THAP4: variants seen among roughly 807,000 people sequenced by gnomAD.
The protein encoded by THAP4 is peroxynitrite isomerase THAP4.
THAP4 carries 18 observed loss-of-function variants against 48.1 expected under a neutral mutation model. The ratio of observed to expected loss-of-function variants is 0.37; its 90% CI spans 0.26 to 0.56. The LOEUF (loss-of-function observed/expected upper bound fraction) is 0.56. Ranked by LOEUF, THAP4 falls within the 20% of genes least tolerant of loss-of-function variation. The probability of loss-of-function intolerance (pLI) is 0.78; values close to 1 mark genes in which losing one functional copy is unlikely to be tolerated. For missense variants in THAP4, 656 were observed against 774.9 expected, an observed-to-expected ratio of 0.85 and a Z score of 1.82; for synonymous variants, 345 against 324.9, an observed-to-expected ratio of 1.06 and a Z score of -0.66.
At chr2:241,614,716 T>C (rs1252726389) in intron 2 of THAP4, among the ~76,000 whole-genome samples, 6 of 151,952 alleles carry the variant, frequency 3.9e-5, no homozygotes. Context: ...TGAAACCCCG[T>C]CTCTACTAAA....
Position 241,584,566 on chromosome 2 carries a change from C to G in THAP4, c.*40G>C. Reference sequence around the variant, plus strand: ...GTTGAGGAGCCGAACCGTTGAGGCACAGTAGCCAGGCCCTCCCGAGGGCTC... The same window carrying G: ...GTTGAGGAGCCGAACCGTTGAGGCAGAGTAGCCAGGCCCTCCCGAGGGCTC... On this transcript the variant is annotated 3_prime_UTR_variant, in exon 6 of 6. Coordinates refer to ENST00000407315, the MANE Select transcript of THAP4 (RefSeq NM_015963.6). 1.9e-6 allele frequency: 3 copies of G among 1,613,260 alleles called. No individual in the cohort carries two copies. Among genetic ancestry groups the G allele is most frequent in the Non-Finnish European group, 2.5e-6 (3 of 1,179,372 alleles).
intron 2 of THAP4, among the ~76,000 whole-genome samples, chr2:241,632,504 T>C (rs1166325895): frequency 1.3e-5 from 2 of 152,240 alleles, no homozygotes; most frequent in Non-Finnish European, 2.9e-5. Flanking sequence ...AACCTCCTCA[T>C]GATTTTAACA....
At chr2:241,626,168 C>T (rs186468980) in intron 2 of THAP4, among the ~76,000 whole-genome samples, 1 of 152,162 alleles carries the variant, frequency 6.6e-6, no homozygotes, top group Non-Finnish European at 1.5e-5. Context: ...AAAACTACAG[C>T]TTGGTGGCTC....
rs1306371838 is a variant in THAP4, at chr2:241,633,682, G to A, written c.475C>T (p.Gln159Ter). The stretch of plus-strand genomic sequence containing the variant: ...GCCTGCTCCTGGCTGGCGGCCTCCT[G>A]GGCCGCCCTGGGTGTGGCTTCACCT... ...LQGEATPRAA[Q>*]EAASQEQAQQ... Residue 159 changes from glutamine to a stop codon, truncating the protein, a stop_gained, in exon 2 of 6, where the codon CAG becomes TAG. Coordinates refer to ENST00000407315, the MANE Select transcript of THAP4 (RefSeq NM_015963.6). LOFTEE classifies it high-confidence loss of function. The surrounding 1 kb of genome is among the most constrained non-coding windows in gnomAD (Gnocchi z 7.5). 1 of 1,611,208 alleles carries A rather than the reference G, an allele frequency of 6.2e-7. No homozygotes were observed. The highest frequency in any genetic ancestry group is 1.7e-5 in the Admixed American group (1 of 59,942).
intron 1 of THAP4, 116 bp from the exon 2 acceptor site, chr2:241,634,195 T>C: frequency 1.4e-6 from 1 of 708,910 alleles, no homozygotes; most frequent in South Asian, 2.1e-5. Flanking sequence ...ATTGACTTCA[T>C]CCACTTAAAA....
intron 5 of THAP4, among the ~76,000 whole-genome samples, chr2:241,590,208 G>C (rs895357354): frequency 6.9e-6 from 1 of 145,784 alleles, no homozygotes; most frequent in African/African-American, 2.6e-5. Context: ...AGGACACACA[G>C]AGCTGCTCGG....
chr2:241,612,425 T>G lies in THAP4; in HGVS notation c.1241-5952A>C, dbSNP rs940648868. ...CCCAGGACTGCCACTCCTGGAGACA[T>G]GCACTCCCAGCAGAAATGACACACC... On this transcript the variant is annotated intron_variant, in intron 2 of 5. Coordinates refer to ENST00000407315, the MANE Select transcript of THAP4 (RefSeq NM_015963.6). The surrounding 1 kb of genome is among the most constrained non-coding windows in gnomAD (Gnocchi z 4.1). Among the ~76,000 whole-genome samples the G allele has an allele frequency of 6.6e-6, 1 of 152,148 alleles. No homozygotes were observed. Among genetic ancestry groups the G allele is most frequent in the African/African-American group, 2.4e-5 (1 of 41,440 alleles).
chr2:241,585,844 T>C lies in THAP4; in HGVS notation c.1615-1119A>G, dbSNP rs1170248320. Among the ~76,000 whole-genome samples the C allele has an allele frequency of 1.2e-4, 15 of 126,544 alleles. No homozygotes were observed. In the South Asian group the frequency reaches 2.9e-3, roughly 24 times the overall value. The allele number at this position is 126,544 out of a possible 152,430, so 83.0% of individuals were successfully genotyped here. ...AGCAGAATTGCTTGAACCCAAGAGGTGGAGGTTGCAGTGAGCCGAGATCAT... is the reference window on the plus strand; with the variant it reads ...AGCAGAATTGCTTGAACCCAAGAGGCGGAGGTTGCAGTGAGCCGAGATCAT... On this transcript the variant is annotated intron_variant, in intron 5 of 5. Transcript: ENST00000407315.
intron 5 of THAP4, among the ~76,000 whole-genome samples, chr2:241,595,111 C>T (rs1172744661): frequency 6.6e-6 from 1 of 152,050 alleles, no homozygotes; most frequent in Non-Finnish European, 1.5e-5. Flanking sequence ...CTCCCAGGTT[C>T]AAGCGATTCT....
chr2:241,634,289 T>C (rs2067609791), intron 1 of THAP4, among the ~76,000 whole-genome samples: 1 of 152,250 alleles, frequency 6.6e-6, no homozygotes, highest in South Asian at 2.1e-4. Flanking sequence ...TGTCTACCCA[T>C]ACAGAGCTTA....
At position 241,637,058 on chromosome 2, in the gene THAP4, A is replaced by G; in HGVS notation, c.-41T>C. ...AGCCGCGCAGCCAGGCCCCGGCCCT[A>G]GCCGCCCGCCCGCCCGCGGACCGCC... is the stretch of plus-strand genomic sequence containing the variant. On this transcript the variant is annotated 5_prime_UTR_variant, in exon 1 of 6. Coordinates refer to ENST00000407315, the MANE Select transcript of THAP4 (RefSeq NM_015963.6). The G allele has an allele frequency of 8.8e-7, 1 of 1,135,782 alleles. No homozygotes were observed. The highest frequency in any genetic ancestry group is 1.1e-6 in the Non-Finnish European group (1 of 917,052). 70.4% of individuals were successfully genotyped at this position (1,135,782 alleles called of 1,614,324 possible).
chr2:241,600,478 A>T (rs1409477269), intron 5 of THAP4, among the ~76,000 whole-genome samples: 2 of 152,186 alleles, frequency 1.3e-5, no homozygotes, highest in East Asian at 3.9e-4. Flanking sequence ...CTGTAATCCT[A>T]GCACTTTGGG....
chr2:241,600,717 G>C (rs895336045), intron 5 of THAP4, among the ~76,000 whole-genome samples: 1 of 129,294 alleles, frequency 7.7e-6, no homozygotes, highest in African/African-American at 3.0e-5. Context: ...GACAGAGTGA[G>C]ACTCCGTCTC....
chr2:241,586,162 CAGG>C (rs1424135021), intron 5 of THAP4, among the ~76,000 whole-genome samples: 1 of 147,798 alleles, frequency 6.8e-6, no homozygotes, highest in Non-Finnish European at 1.5e-5. Context: ...GAGGCTGAGG[CAGG>C]AGAATGGCGT....
intron 2 of THAP4, among the ~76,000 whole-genome samples, chr2:241,624,468 A>C (rs1484086892): frequency 4.6e-5 from 7 of 151,576 alleles, no homozygotes; most frequent in Non-Finnish European, 1.5e-5. Context: ...GCCTGGCAAC[A>C]CAGTGAGACT....
intron 5 of THAP4, among the ~76,000 whole-genome samples, chr2:241,590,831 G>C (rs71430362): frequency 5.1e-5 from 6 of 117,758 alleles, no homozygotes; most frequent in South Asian, 6.6e-4. Flanking sequence ...GACACGCAGA[G>C]CTGCCCGGCT....
rs201162458 is a variant in THAP4 at position 241,634,958 on chromosome 2, C to A, written c.78-879G>T. On this transcript the variant is annotated intron_variant, in intron 1 of 5. Transcript: ENST00000407315. ...CTCAGAGTAATCAAATTCATAGAGA[C>A]AGGAGAATGCGGGTTCCCAGAGCCT... Among the ~76,000 whole-genome samples, 10 of 152,366 alleles carry A rather than the reference C, an allele frequency of 6.6e-5. No individual in the cohort carries two copies. The East Asian group carries it at 1.9e-3, about 29-fold the overall frequency.
chr2:241,621,315 T>C (rs938078757), intron 2 of THAP4, among the ~76,000 whole-genome samples: 2 of 152,096 alleles, frequency 1.3e-5, no homozygotes, highest in Non-Finnish European at 2.9e-5. Context: ...GCCACTGCAC[T>C]CCAGCCTGGG....
At chr2:241,608,573 G>A (rs1017916020) in intron 2 of THAP4, among the ~76,000 whole-genome samples, 1 of 152,192 alleles carries the variant, frequency 6.6e-6, no homozygotes, top group South Asian at 2.1e-4. Context: ...AGAAGCTTCT[G>A]AATCCAATGT....
Sources: gnomAD v4.1 joint callset for allele counts (sites outside exome capture counted in the v4.1 genomes callset) on GRCh38, gnomAD v4.1.1 for gene constraint, Gnocchi (gnomAD v3.1) non-coding constraint, MANE v1.5 for transcripts, NCBI Gene and HGNC (gene_info 2026-07-23, HGNC 2026-07-21) for gene names.